Variants in GRIK4 observed in about 807,000 individuals in gnomAD.
The protein encoded by GRIK4 is glutamate receptor ionotropic, kainate 4.
A neutral mutation model predicts 104.9 loss-of-function variants in GRIK4; 40 were observed. The ratio of observed to expected loss-of-function variants is 0.38; its 90% CI spans 0.30 to 0.50. GRIK4 has a LOEUF of 0.50. Among genes scored for constraint, GRIK4 ranks in the 20% least tolerant of loss-of-function variants. The pLI, the probability that GRIK4 is intolerant of heterozygous loss-of-function variation, is 0.93. For missense variants in GRIK4, 1,047 were observed against 1,308.1 expected (o/e 0.80, Z 3.08); for synonymous variants, 485 against 524.9 (o/e 0.92, Z 1.04).
intron 19 of GRIK4, among the ~76,000 whole-genome samples, chr11:120,981,866 C>T (rs1944657917): frequency 6.6e-6 from 1 of 152,112 alleles, no homozygotes; most frequent in Non-Finnish European, 1.5e-5. Context: ...TTGCCAGTGT[C>T]CTTGATTGAT....
intron 3 of GRIK4, among the ~76,000 whole-genome samples, chr11:120,732,306 A>G (rs1209527384): frequency 1.3e-5 from 2 of 151,724 alleles, no homozygotes; most frequent in Non-Finnish European, 2.9e-5. Context: ...TAATTTTTGT[A>G]TATTTTTTAG....
intron 1 of GRIK4, among the ~76,000 whole-genome samples, chr11:120,588,107 C>T (rs774603964): frequency 1.2e-4 from 18 of 152,090 alleles, no homozygotes; most frequent in African/African-American, 1.9e-4. Flanking sequence ...GGTGTGTGGG[C>T]GGCCAGAGGG....
intron 12 of GRIK4, among the ~76,000 whole-genome samples, chr11:120,899,562 A>G (rs1942677243): frequency 6.6e-6 from 1 of 151,992 alleles, no homozygotes; most frequent in African/African-American, 2.4e-5. Flanking sequence ...AGTCCTGGAG[A>G]CCAAAGATGA....
intron 1 of GRIK4, among the ~76,000 whole-genome samples, chr11:120,564,983 G>GT (rs1565551789): frequency 8.7e-6 from 1 of 114,918 alleles, no homozygotes; most frequent in African/African-American, 3.8e-5. Flanking sequence ...CTGCGGGGGG[G>GT]TGGGGGGGGT....
At chr11:120,867,492 C>T (rs1198555871) in intron 9 of GRIK4, among the ~76,000 whole-genome samples, 3 of 152,148 alleles carry the variant, frequency 2.0e-5, no homozygotes. Context: ...TTCTGTTTCT[C>T]TCTCTCCACA....
chr11:120,700,461 A>T (rs1461543940), intron 3 of GRIK4, among the ~76,000 whole-genome samples: 2 of 147,878 alleles, frequency 1.4e-5, no homozygotes, highest in Non-Finnish European at 3.0e-5. Flanking sequence ...TTTATTTTTT[A>T]TTATTACTAT....
intron 3 of GRIK4, among the ~76,000 whole-genome samples, chr11:120,710,961 C>T (rs562138842): frequency 6.6e-6 from 1 of 150,604 alleles, no homozygotes; most frequent in East Asian, 2.0e-4. Context: ...ACTGGAGCAC[C>T]AGGCGGCCCG....
intron 1 of GRIK4, among the ~76,000 whole-genome samples, chr11:120,552,726 G>A (rs1364213590): frequency 2.0e-5 from 3 of 152,184 alleles, no homozygotes; most frequent in African/African-American, 7.2e-5. Flanking sequence ...GAGGCCAGGC[G>A]TGGTGGCTCA....
chr11:120,611,250 A>G (rs141391366), intron 1 of GRIK4, among the ~76,000 whole-genome samples: 2 of 152,234 alleles, frequency 1.3e-5, no homozygotes, highest in Non-Finnish European at 2.9e-5. Flanking sequence ...GAGAGATTTG[A>G]ATCCTAGCTC....
At chr11:120,744,420 A>G (rs1951401378) in intron 3 of GRIK4, among the ~76,000 whole-genome samples, 1 of 152,186 alleles carries the variant, frequency 6.6e-6, no homozygotes, top group South Asian at 2.1e-4. Flanking sequence ...TGGGGTTTTA[A>G]TTCGTACTAA....
intron 3 of GRIK4, among the ~76,000 whole-genome samples, chr11:120,664,380 T>C (rs1160982579): frequency 6.6e-6 from 1 of 152,254 alleles, no homozygotes; most frequent in Non-Finnish European, 1.5e-5. Context: ...AAATATTTAT[T>C]GAATGCTATG....
chr11:120,768,471 A>G (rs181751228), intron 3 of GRIK4, among the ~76,000 whole-genome samples: 38 of 152,226 alleles, frequency 2.5e-4, no homozygotes, highest in African/African-American at 8.7e-4. Context: ...AGTTTTCTAC[A>G]TATAGGATCA....
At chr11:120,664,730 AAT>A (rs1949878410) in intron 3 of GRIK4, among the ~76,000 whole-genome samples, 1 of 152,224 alleles carries the variant, frequency 6.6e-6, no homozygotes, top group South Asian at 2.1e-4. Context: ...CATCATGGCT[AAT>A]ATAGTTTCCT....
At position 120,819,684 on chromosome 11, in the gene GRIK4, C is replaced by A; in HGVS notation, c.346-71C>A. 1 of 1,431,284 alleles carries A rather than the reference C, an allele frequency of 7.0e-7. No homozygotes were observed. Among genetic ancestry groups the A allele is most frequent in the South Asian group, 1.2e-5 (1 of 85,926 alleles). 88.7% of individuals were successfully genotyped at this position (1,431,284 alleles called of 1,614,324 possible). On this transcript the variant is annotated intron_variant, in intron 5 of 20. Transcript: ENST00000527524. The surrounding 1 kb of genome is among the most constrained non-coding windows in gnomAD (Gnocchi z 4.3). ...GAACTCACCCTCCACAACCTCAGCT[C>A]ACTCATCCCTCTTTCTTCCTTTTCA...
chr11:120,875,123 A>C lies in GRIK4; in HGVS notation c.1060-16A>C, dbSNP rs776865563. The C allele has an allele frequency of 2.0e-6, 3 of 1,536,292 alleles. No individual in the cohort carries two copies. Among genetic ancestry groups the C allele is most frequent in the Non-Finnish European group, 2.7e-6 (3 of 1,110,058 alleles). ...TGGGGCCTGTTTGGTGCTGTAACTC[A>C]CTCTCTCTTGGACAGGTAGAATTGG... is the stretch of plus-strand genomic sequence containing the variant. On this transcript the variant is annotated splice_polypyrimidine_tract_variant and intron_variant, in intron 10 of 20. Coordinates refer to ENST00000527524, the MANE Select transcript of GRIK4 (RefSeq NM_014619.5).
intron 11 of GRIK4, among the ~76,000 whole-genome samples, chr11:120,884,820 G>A (rs1955071972): frequency 6.6e-6 from 1 of 152,280 alleles, no homozygotes; most frequent in East Asian, 1.9e-4. Flanking sequence ...GCTGCCTGCT[G>A]TGAGCCAGCT....
rs1052209192 is a variant in GRIK4, at chr11:120,905,667, G to T, written c.1476+174G>T. Among the ~76,000 whole-genome samples, 2 of 152,212 alleles carry T rather than the reference G, an allele frequency of 1.3e-5. No homozygotes were observed. The highest frequency in any genetic ancestry group is 1.3e-4 in the Admixed American group (2 of 15,290). On this transcript the variant is annotated intron_variant, in intron 13 of 20. Coordinates refer to ENST00000527524, the MANE Select transcript of GRIK4 (RefSeq NM_014619.5). This position sits in a 1 kb window ranked among gnomAD's most constrained non-coding sequence, Gnocchi z 5.1. ...TTGCCTGGACTGGCACAGACGTGCG[G>T]TGGTGGATAAGCCTGCAATGATCCC...
In GRIK4 at chr11:120,962,525, A is replaced by G. The variant is rs1948264113; in HGVS notation, c.2110A>G (p.Lys704Glu). The change falls in exon 18 of 21, where the codon AAG becomes GAG. Residue 704 changes from lysine to glutamate, a missense_variant. Physicochemically the swap from Lys to Glu is moderately conservative, Grantham distance 56. Coordinates refer to ENST00000527524, the MANE Select transcript of GRIK4 (RefSeq NM_014619.5). ...MYSKQPSVFV[K>E]STEEGIARVL... ...TTCCAAGCAGCCCAGCGTGTTCGTG[A>G]AGAGCACAGAGGAGGGAATCGCCAG... The G allele has an allele frequency of 8.7e-6, 14 of 1,614,166 alleles. No individual in the cohort carries two copies. Among genetic ancestry groups the G allele is most frequent in the Non-Finnish European group, 1.2e-5 (14 of 1,180,008 alleles).
chr11:120,520,483 C>T (rs1441906141), intron 1 of GRIK4, among the ~76,000 whole-genome samples: 2 of 152,152 alleles, frequency 1.3e-5, no homozygotes, highest in African/African-American at 2.4e-5. Flanking sequence ...GGGAAGGGCC[C>T]GGTGTGGAGG....
Sources: allele counts gnomAD v4.1 joint callset (sites outside exome capture counted in the v4.1 genomes callset), GRCh38; gene constraint gnomAD v4.1.1; non-coding constraint Gnocchi (gnomAD v3.1); transcripts MANE v1.5; gene names NCBI Gene and HGNC (gene_info 2026-07-23, HGNC 2026-07-21).